MARCHF1: variants seen among roughly 807,000 people sequenced by gnomAD.
MARCHF1 encodes the protein membrane associated ring-CH-type finger 1.
A neutral mutation model predicts 54.2 loss-of-function variants in MARCHF1; 40 were observed. The ratio of observed to expected loss-of-function variants is 0.74; its 90% CI spans 0.57 to 0.96. The LOEUF (loss-of-function observed/expected upper bound fraction) is 0.96, where lower values mean the gene tolerates loss of function less well. Among genes scored for constraint, MARCHF1 ranks in the 40% least tolerant of loss-of-function variants. The probability of loss-of-function intolerance (pLI) is 0.00; values close to 1 mark genes in which losing one functional copy is unlikely to be tolerated. For missense variants in MARCHF1, 586 were observed against 656.5 expected (o/e 0.89, Z 1.17); for synonymous variants, 236 against 236.3 (o/e 1.00, Z 0.01).
chr4:163,910,849 G>C (rs981422079), intron 3 of MARCHF1, among the ~76,000 whole-genome samples: 8 of 152,178 alleles, frequency 5.3e-5, no homozygotes, highest in Non-Finnish European at 1.2e-4. Context: ...ACAAAAGACA[G>C]TTTGAGTTAC....
chr4:164,181,836 A>T (rs1730841579), intron 1 of MARCHF1, among the ~76,000 whole-genome samples: 1 of 152,152 alleles, frequency 6.6e-6, no homozygotes, highest in South Asian at 2.1e-4. Flanking sequence ...ATTTGGTTTC[A>T]AGTTAATGTA....
At chr4:163,922,639 T>C (rs1560820725) in intron 3 of MARCHF1, among the ~76,000 whole-genome samples, 1 of 152,230 alleles carries the variant, frequency 6.6e-6, no homozygotes. Flanking sequence ...TTTGCTTTTA[T>C]ATCATTTGAA....
At chr4:164,011,624 C>T (rs892933440) in intron 2 of MARCHF1, among the ~76,000 whole-genome samples, 1 of 152,162 alleles carries the variant, frequency 6.6e-6, no homozygotes. Flanking sequence ...CAGTTAATAA[C>T]AGATGCTGGC....
At position 164,087,908 on chromosome 4, in the gene MARCHF1, A is replaced by G. The variant is rs574139207; in HGVS notation, c.-248+23680T>C. Among the ~76,000 whole-genome samples, 74 of 152,216 alleles carry G rather than the reference A, an allele frequency of 4.9e-4. 1 individual carries two copies. The highest frequency in any genetic ancestry group is 1.7e-3 in the African/African-American group (69 of 41,522). On this transcript the variant is annotated intron_variant, in intron 2 of 9. Coordinates refer to ENST00000514618, the MANE Select transcript of MARCHF1 (RefSeq NM_001394959.1). ...TGTCATGCTTTGTCCGCATCACTTCAATAATTTCAGAGTTGCTGCTACACT... is the reference window on the plus strand; with the variant it reads ...TGTCATGCTTTGTCCGCATCACTTCGATAATTTCAGAGTTGCTGCTACACT...
intron 4 of MARCHF1, among the ~76,000 whole-genome samples, chr4:163,705,302 G>A (rs940611435): frequency 1.3e-5 from 2 of 151,244 alleles, no homozygotes; most frequent in Non-Finnish European, 3.0e-5. Flanking sequence ...AACTTCAGAT[G>A]TGTTAAGATA....
intron 3 of MARCHF1, among the ~76,000 whole-genome samples, chr4:163,863,620 A>G (rs12501725): frequency 0.19 from 29,320 of 151,998 alleles, 3,385 homozygotes; most frequent in South Asian, 0.31. Context: ...AGGTTAGTAT[A>G]CATTCATATC....
intron 3 of MARCHF1, among the ~76,000 whole-genome samples, chr4:163,935,588 T>C (rs1751775106): frequency 1.3e-5 from 2 of 152,174 alleles, no homozygotes; most frequent in South Asian, 4.1e-4. Flanking sequence ...TGAAGAGAAT[T>C]GGGACCTTGC....
intron 1 of MARCHF1, among the ~76,000 whole-genome samples, chr4:164,249,374 C>T (rs1733056112): frequency 6.6e-6 from 1 of 151,680 alleles, no homozygotes; most frequent in South Asian, 2.1e-4. Context: ...ATTCTGAGGC[C>T]CTGAGGCAGA....
chr4:163,780,721 T>C (rs1047896455), intron 4 of MARCHF1, among the ~76,000 whole-genome samples: 4 of 152,238 alleles, frequency 2.6e-5, no homozygotes, highest in Non-Finnish European at 5.9e-5. Flanking sequence ...GAGTGAACTG[T>C]TGTTTTTGGT....
chr4:163,873,319 T>C (rs142490744), intron 3 of MARCHF1, among the ~76,000 whole-genome samples: 16 of 152,320 alleles, frequency 1.1e-4, no homozygotes, highest in African/African-American at 3.8e-4. Flanking sequence ...AAATGGAAAG[T>C]CTTTTAGAAA....
intron 3 of MARCHF1, among the ~76,000 whole-genome samples, chr4:163,943,291 G>A (rs1432364143): frequency 6.6e-6 from 1 of 152,104 alleles, no homozygotes; most frequent in Non-Finnish European, 1.5e-5. Context: ...GTACAGCCTA[G>A]GTTGTCTTCC....
At chr4:164,041,327 A>G (rs1369477716) in intron 2 of MARCHF1, among the ~76,000 whole-genome samples, 1 of 152,148 alleles carries the variant, frequency 6.6e-6, no homozygotes, top group Non-Finnish European at 1.5e-5. Context: ...TTCAACCACC[A>G]TAGCATTATA....
At chr4:164,115,630 T>C (rs1326687286) in intron 1 of MARCHF1, among the ~76,000 whole-genome samples, 1 of 151,480 alleles carries the variant, frequency 6.6e-6, no homozygotes, top group Non-Finnish European at 1.5e-5. Context: ...TCAAGTCATT[T>C]TGAATAAAAG....
At chr4:164,342,388 G>C (rs1363592318) in intron 1 of MARCHF1, among the ~76,000 whole-genome samples, 4 of 151,952 alleles carry the variant, frequency 2.6e-5, no homozygotes, top group African/African-American at 9.7e-5. Flanking sequence ...AGCTCTCATG[G>C]AAAACATTAT....
At chr4:163,746,298 C>T (rs1477757719) in intron 4 of MARCHF1, among the ~76,000 whole-genome samples, 5 of 152,084 alleles carry the variant, frequency 3.3e-5, no homozygotes, top group East Asian at 3.8e-4. Context: ...TATTCAGTCA[C>T]GTGCATTTAA....
chr4:164,043,982 T>C (rs1007519163), intron 2 of MARCHF1, among the ~76,000 whole-genome samples: 3 of 152,126 alleles, frequency 2.0e-5, no homozygotes, highest in African/African-American at 7.2e-5. Flanking sequence ...AAAAAGTTGC[T>C]CATCTCCATC....
chr4:164,158,564 C>T (rs965190421), intron 1 of MARCHF1, among the ~76,000 whole-genome samples: 2 of 152,210 alleles, frequency 1.3e-5, no homozygotes, highest in Admixed American at 6.5e-5. Context: ...TCACTTGAAC[C>T]AGGGAGGCAG....
At chr4:164,150,308 A>G (rs1183896762) in intron 1 of MARCHF1, among the ~76,000 whole-genome samples, 1 of 152,176 alleles carries the variant, frequency 6.6e-6, no homozygotes, top group Non-Finnish European at 1.5e-5. Context: ...GCAAAAGTAA[A>G]GCACTAATTT....
intron 2 of MARCHF1, among the ~76,000 whole-genome samples, chr4:164,085,521 T>C (rs934678344): frequency 6.6e-6 from 1 of 151,816 alleles, no homozygotes; most frequent in African/African-American, 2.4e-5. Flanking sequence ...TCCAACACAA[T>C]AACACAAAGT....
Sources: allele counts gnomAD v4.1 joint callset (sites outside exome capture counted in the v4.1 genomes callset), GRCh38; gene constraint gnomAD v4.1.1; transcripts MANE v1.5; gene names NCBI Gene and HGNC (gene_info 2026-07-23, HGNC 2026-07-21).